Variants in BOP1 observed in about 807,000 individuals in gnomAD.
BOP1 encodes the protein BOP1 ribosomal biogenesis factor, also known as ribosome biogenesis protein BOP1.
Under a neutral mutation model 82.9 loss-of-function variants are expected in BOP1, and 54 were observed. The observed-to-expected ratio is 0.65, with a 90% CI of 0.52 to 0.82. The LOEUF is 0.82. Ranked by LOEUF, BOP1 falls within the 40% of genes least tolerant of loss-of-function variation. The probability of loss-of-function intolerance (pLI) is 0.00; values close to 1 mark genes in which losing one functional copy is unlikely to be tolerated. For synonymous variants in BOP1, 566 were observed against 451.1 expected, an observed-to-expected ratio of 1.25 and a Z score of -3.23; for missense variants, 1,170 against 1,072.0, an observed-to-expected ratio of 1.09 and a Z score of -1.28.
rs1298874971 is a variant in BOP1, at chr8:144,267,048, C to T, written c.391-1977G>A. 1.9e-5 allele frequency: 29 copies of T among 1,499,752 alleles called. No homozygotes were observed. The East Asian group carries it at 4.6e-4, about 24-fold the overall frequency. 92.9% of individuals were successfully genotyped at this position (1,499,752 alleles called of 1,614,324 possible). On this transcript the variant is annotated intron_variant, in intron 3 of 15. Coordinates refer to ENST00000569669, the MANE Select transcript of BOP1 (RefSeq NM_015201.5). ...GCGGCGACGGACAGCCCTGCCACTCCGGGCCCGCCTTCTTCCACGCGGCGC... is the reference window on the plus strand; with the variant it reads ...GCGGCGACGGACAGCCCTGCCACTCTGGGCCCGCCTTCTTCCACGCGGCGC...
chr8:144,266,451 C>G lies in BOP1; in HGVS notation c.391-1380G>C, dbSNP rs1425194292. 425 of 962,928 alleles carry G rather than the reference C, an allele frequency of 4.4e-4. No individual in the cohort carries two copies. In the African/African-American group the frequency reaches 6.2e-3, roughly 14 times the overall value. 59.6% of individuals were successfully genotyped at this position (962,928 alleles called of 1,614,324 possible). A position where few individuals can be genotyped will look rare whatever the true frequency, so the allele number is the denominator to read the frequency against. Reference sequence around the variant, plus strand: ...TAAAGGCGCAGCTCGGGGCCCCGCTCCGGCCCGGGACGCACATGTGCGCGC... The same window carrying G: ...TAAAGGCGCAGCTCGGGGCCCCGCTGCGGCCCGGGACGCACATGTGCGCGC... On this transcript the variant is annotated intron_variant, in intron 3 of 15. Transcript: ENST00000569669.
intron 2 of BOP1, among the ~76,000 whole-genome samples, chr8:144,288,325 C>T (rs1039194775): frequency 2.7e-5 from 4 of 147,234 alleles, no homozygotes; most frequent in Non-Finnish European, 4.4e-5. Context: ...GTCAGGAAAT[C>T]GAGACCAGCC....
chr8:144,267,237 C>T (rs1845395124), intron 3 of BOP1: 15 of 1,459,632 alleles, frequency 1.0e-5, no homozygotes, highest in Non-Finnish European at 8.1e-6. Context: ...TCAGCCCACA[C>T]CTGCCAGGCA....
chr8:144,273,153 G>A (rs1264584743), intron 3 of BOP1, among the ~76,000 whole-genome samples: 2 of 152,282 alleles, frequency 1.3e-5, no homozygotes, highest in East Asian at 3.9e-4. Flanking sequence ...GAGTGCGCGG[G>A]GCCAGGACGC....
intron 2 of BOP1, among the ~76,000 whole-genome samples, chr8:144,283,055 G>A (rs1329527026): frequency 4.0e-5 from 6 of 150,710 alleles, no homozygotes; most frequent in African/African-American, 7.3e-5. Flanking sequence ...AAAATTACCC[G>A]AGCGTGGTGG....
chr8:144,286,818 A>G (rs1814892658), intron 2 of BOP1, among the ~76,000 whole-genome samples: 1 of 152,192 alleles, frequency 6.6e-6, no homozygotes, highest in African/African-American at 2.4e-5. Context: ...AACACCCTGC[A>G]TGGGGCAGCC....
Position 144,264,566 on chromosome 8 carries a change from G to T in BOP1, c.714C>A (p.Asn238Lys). The T allele has an allele frequency of 6.2e-7, 1 of 1,609,654 alleles. No homozygotes were observed. ...TGAAGCTGCGCTTGTCGGCCGGGCG[G>T]TTGGTCACCGGGTGGATCATGACGT... ...SGDVMIHPVT[N>K]RPADKRSFIP... The change falls in exon 6 of 16, where the codon AAC becomes AAA. Residue 238 changes from asparagine (N) to lysine (K), a missense_variant. Asn to Lys is a moderately conservative substitution (Grantham distance 94). Transcript: ENST00000569669.
intron 3 of BOP1, 21 bp from the exon 4 acceptor site, chr8:144,265,092 G>A (rs1845330206): frequency 2.5e-6 from 4 of 1,600,878 alleles, no homozygotes; most frequent in East Asian, 2.2e-5. Context: ...GGGCCACCAT[G>A]TCGGCATCTG....
chr8:144,268,848 C>T (rs1195716120), intron 3 of BOP1, among the ~76,000 whole-genome samples: 1 of 152,114 alleles, frequency 6.6e-6, no homozygotes, highest in Non-Finnish European at 1.5e-5. Context: ...GCAAGGGTGC[C>T]CCCGACTCGG....
intron 2 of BOP1, among the ~76,000 whole-genome samples, chr8:144,285,593 A>T (rs1324972725): frequency 2.6e-5 from 4 of 152,224 alleles, no homozygotes; most frequent in African/African-American, 9.6e-5. Flanking sequence ...AGGACCACAG[A>T]ATCCCAGGTG....
At position 144,289,079 on chromosome 8, in the gene BOP1, C is replaced by A; in HGVS notation, c.309+16G>T. ...ACATGGGGGACAGCCCTCGAGGGGGCTCCTCGCTCACCCACCTGCACCTGC... is the reference window on the plus strand; with the variant it reads ...ACATGGGGGACAGCCCTCGAGGGGGATCCTCGCTCACCCACCTGCACCTGC... On this transcript the variant is annotated intron_variant, in intron 2 of 15. Coordinates refer to ENST00000569669, the MANE Select transcript of BOP1 (RefSeq NM_015201.5). The A allele has an allele frequency of 1.2e-6, 2 of 1,613,844 alleles. No individual in the cohort carries two copies. Among genetic ancestry groups the A allele is most frequent in the Non-Finnish European group, 1.7e-6 (2 of 1,179,866 alleles).
In BOP1 at chr8:144,283,201, C is replaced by CAAAAAAAAAAAAAAAA. The variant is rs60868806; in HGVS notation, c.309+5878_309+5893dup. ...CGATAAGAGCAAAAAAACTCCATCT[C>CAAAAAAAAAAAAAAAA]AAAAAAAAAAAAAAAAAAAAAAAAG... On this transcript the variant is annotated intron_variant, in intron 2 of 15. Transcript: ENST00000569669. 6.0e-3 allele frequency among the ~76,000 whole-genome samples: 328 copies of CAAAAAAAAAAAAAAAA among 54,282 alleles called. 15 individuals carry two copies. The highest frequency in any genetic ancestry group is 0.018 in the African/African-American group (133 of 7,340). 35.6% of individuals were successfully genotyped at this position (54,282 alleles called of 152,430 possible). A position where few individuals can be genotyped will look rare whatever the true frequency, so the allele number is the denominator to read the frequency against.
At chr8:144,264,693 G>A (rs1249275318) in intron 5 of BOP1, 21 bp downstream of exon 5, 41 of 1,566,330 alleles carry the variant, frequency 2.6e-5, no homozygotes, top group Middle Eastern at 2.0e-4. Flanking sequence ...CGCCGCCCAG[G>A]GGCCAGCCCC....
At chr8:144,277,516 C>A (rs1289021079) in intron 2 of BOP1, among the ~76,000 whole-genome samples, 1 of 152,270 alleles carries the variant, frequency 6.6e-6, no homozygotes, top group Non-Finnish European at 1.5e-5. Flanking sequence ...GTGGCCGGGG[C>A]TGAAGCACCG....
chr8:144,267,888 C>A (rs1164015187), intron 3 of BOP1, among the ~76,000 whole-genome samples: 13 of 152,236 alleles, frequency 8.5e-5, no homozygotes, highest in African/African-American at 3.1e-4. Flanking sequence ...CACGCGCGAG[C>A]TCCTGGGGCC....
chr8:144,268,852 G>A (rs1454813465), intron 3 of BOP1, among the ~76,000 whole-genome samples: 2 of 152,278 alleles, frequency 1.3e-5, no homozygotes, highest in East Asian at 1.9e-4. Flanking sequence ...GGGTGCCCCC[G>A]ACTCGGGCCT....
chr8:144,270,484 G>A (rs1046111407), intron 3 of BOP1, among the ~76,000 whole-genome samples: 11 of 152,258 alleles, frequency 7.2e-5, no homozygotes, highest in South Asian at 2.1e-4. Flanking sequence ...CTCCGACCGC[G>A]GCTGCAGCTT....
At position 144,262,292 on chromosome 8, in the gene BOP1, C is replaced by A. The variant is rs1845210960; in HGVS notation, c.2113G>T (p.Val705Leu). 8 of 1,612,704 alleles carry A rather than the reference C, an allele frequency of 5.0e-6. No homozygotes were observed. Among genetic ancestry groups the A allele is most frequent in the Non-Finnish European group, 6.8e-6 (8 of 1,179,814 alleles). ...TGTCCCTTCAGCACCTTGACGGGCACCAGCAAGGGGTTCTGCAGAAGGTCA... is the reference window on the plus strand; with the variant it reads ...TGTCCCTTCAGCACCTTGACGGGCAACAGCAAGGGGTTCTGCAGAAGGTCA... ...YNDLLQNPLL[V>L]PVKVLKGHVL... Residue 705 changes from valine to leucine, a missense_variant, in exon 16 of 16, where the codon GTG (valine) becomes TTG (leucine). By Grantham distance (32) the Val-to-Leu change is conservative (BLOSUM62 1). Transcript: ENST00000569669.
intron 2 of BOP1, among the ~76,000 whole-genome samples, chr8:144,277,162 C>T (rs1361716930): frequency 2.0e-4 from 30 of 152,242 alleles, no homozygotes; most frequent in Middle Eastern, 6.8e-3. Flanking sequence ...GGCACGCCCC[C>T]GCCCCCACCC....
Sources: gnomAD v4.1 joint callset for allele counts (sites outside exome capture counted in the v4.1 genomes callset) on GRCh38, gnomAD v4.1.1 for gene constraint, MANE v1.5 for transcripts, NCBI Gene and HGNC (gene_info 2026-07-23, HGNC 2026-07-21) for gene names.